The following TMEM178B variants were observed in gnomAD, a reference collection of about 807,000 sequenced individuals.
The protein encoded by TMEM178B is transmembrane protein 178B.
In TMEM178B, 5 loss-of-function variants were observed where a neutral mutation model predicts 31.0. The ratio of observed to expected loss-of-function variants is 0.16; its 90% confidence interval spans 0.08 to 0.34. The LOEUF is 0.34. TMEM178B is among the 10% of genes least tolerant of loss of function. The probability of loss-of-function intolerance (pLI) is 1.00; values close to 1 mark genes in which losing one functional copy is unlikely to be tolerated. For missense variants in TMEM178B, 275 were observed against 400.3 expected (o/e 0.69, Z 2.67); for synonymous variants, 164 against 164.0 (o/e 1.00, Z 0.00).
chr7:141,212,915 A>G (rs1797072545), intron 2 of TMEM178B, among the ~76,000 whole-genome samples: 1 of 152,224 alleles, frequency 6.6e-6, no homozygotes, highest in African/African-American at 2.4e-5. Context: ...AAATTAAAGA[A>G]AGAACCAACC....
At chr7:141,416,724 C>T (rs1047762309) in intron 2 of TMEM178B, among the ~76,000 whole-genome samples, 5 of 152,160 alleles carry the variant, frequency 3.3e-5, no homozygotes, top group African/African-American at 4.8e-5. Context: ...AAGCAGGCTT[C>T]GATAGCCTGC....
rs80201037 is a variant in TMEM178B, at chr7:141,329,826, A to T, written c.497-107782A>T. On this transcript the variant is annotated intron_variant, in intron 2 of 3. Transcript: ENST00000565468. ...AAAGGGACAGAAAATAAAATAGGAGATGTGATCCCAGCTCATAAAGAGCTA... is the reference window on the plus strand; with the variant it reads ...AAAGGGACAGAAAATAAAATAGGAGTTGTGATCCCAGCTCATAAAGAGCTA... 5.4e-3 allele frequency among the ~76,000 whole-genome samples: 830 copies of T among 152,310 alleles called. 7 individuals carry two copies. Among genetic ancestry groups the T allele is most frequent in the African/African-American group, 0.019 (797 of 41,566 alleles).
intron 1 of TMEM178B, among the ~76,000 whole-genome samples, chr7:141,099,862 C>T (rs1795024007): frequency 7.0e-6 from 1 of 143,052 alleles, no homozygotes; most frequent in Non-Finnish European, 1.5e-5. Flanking sequence ...CAGAGTCTGG[C>T]TTTGTCGTCC....
chr7:141,203,398 G>A (rs1176948249), intron 1 of TMEM178B, among the ~76,000 whole-genome samples: 1 of 152,194 alleles, frequency 6.6e-6, no homozygotes, highest in Non-Finnish European at 1.5e-5. Flanking sequence ...AGGCCAGCAT[G>A]TGCCACTTGG....
intron 2 of TMEM178B, among the ~76,000 whole-genome samples, chr7:141,417,318 T>A (rs1416608498): frequency 6.6e-6 from 1 of 152,228 alleles, no homozygotes; most frequent in African/African-American, 2.4e-5. Flanking sequence ...ATTGGATGAC[T>A]GCCTAAGATG....
At position 141,360,859 on chromosome 7, in the gene TMEM178B, G is replaced by A. The variant is rs371655018; in HGVS notation, c.497-76749G>A. 1.2e-4 allele frequency among the ~76,000 whole-genome samples: 19 copies of A among 152,154 alleles called. No individual in the cohort carries two copies. In the South Asian group the frequency reaches 3.3e-3, roughly 27 times the overall value. ...ATAAGTAAGAATCAAACATTTTAGAGGACATTTTTAGGAACAAAATACCAT... is the reference window on the plus strand; with the variant it reads ...ATAAGTAAGAATCAAACATTTTAGAAGACATTTTTAGGAACAAAATACCAT... On this transcript the variant is annotated intron_variant, in intron 2 of 3. Transcript: ENST00000565468.
chr7:141,223,984 C>T (rs771964625), intron 2 of TMEM178B, among the ~76,000 whole-genome samples: 11 of 152,144 alleles, frequency 7.2e-5, no homozygotes, highest in Non-Finnish European at 1.3e-4. Context: ...TAATTCTCAC[C>T]TGTTGTGGGA....
intron 3 of TMEM178B, among the ~76,000 whole-genome samples, chr7:141,469,185 G>C (rs1267823370): frequency 2.0e-5 from 3 of 152,326 alleles, no homozygotes; most frequent in East Asian, 1.9e-4. Flanking sequence ...TTTGCTCAAA[G>C]AAATGATTTG....
chr7:141,307,588 G>A (rs374777457), intron 2 of TMEM178B, among the ~76,000 whole-genome samples: 12 of 152,226 alleles, frequency 7.9e-5, no homozygotes, highest in African/African-American at 2.9e-4. Context: ...GAGGGGTCAC[G>A]GGACCTCTGA....
chr7:141,125,302 TA>T (rs1028739549), intron 1 of TMEM178B, among the ~76,000 whole-genome samples: 8 of 152,160 alleles, frequency 5.3e-5, no homozygotes, highest in African/African-American at 1.9e-4. Flanking sequence ...AAGCCTGTTA[TA>T]AAATCTGGCC....
At chr7:141,442,276 A>G (rs932760653) in intron 3 of TMEM178B, among the ~76,000 whole-genome samples, 5 of 152,108 alleles carry the variant, frequency 3.3e-5, no homozygotes, top group Non-Finnish European at 7.4e-5. Context: ...TCCCCGAATC[A>G]GGTCTAAGGC....
In TMEM178B at chr7:141,106,193, A is replaced by G. The variant is rs368996515; in HGVS notation, c.382+31501A>G. On this transcript the variant is annotated intron_variant, in intron 1 of 3. Transcript: ENST00000565468. ...ACTTGCATTTGACTTTGCATTCTTC[A>G]TAGTTGTTTTTTGACAGTTCCAAAG... Among the ~76,000 whole-genome samples, 6 of 152,130 alleles carry G rather than the reference A, an allele frequency of 3.9e-5. No homozygotes were observed. The South Asian group carries it at 1.0e-3, about 26-fold the overall frequency.
At chr7:141,084,550 T>A (rs1305168165) in intron 1 of TMEM178B, among the ~76,000 whole-genome samples, 2 of 152,200 alleles carry the variant, frequency 1.3e-5, no homozygotes, top group African/African-American at 4.8e-5. Context: ...CTGGGCCCCA[T>A]CTGGGAGCCG....
chr7:141,092,926 C>T (rs1794902996), intron 1 of TMEM178B, among the ~76,000 whole-genome samples: 1 of 152,078 alleles, frequency 6.6e-6, no homozygotes, highest in Non-Finnish European at 1.5e-5. Flanking sequence ...ATAACAAGGG[C>T]AGTGACTTTG....
chr7:141,434,778 G>A (rs921214426), intron 2 of TMEM178B, among the ~76,000 whole-genome samples: 21 of 152,040 alleles, frequency 1.4e-4, no homozygotes, highest in African/African-American at 4.3e-4. Context: ...ATCCACACCC[G>A]TCCCAGCCTC....
intron 1 of TMEM178B, among the ~76,000 whole-genome samples, chr7:141,209,480 ACTGCAGTCTT>A (rs1232124811): frequency 6.6e-6 from 1 of 152,208 alleles, no homozygotes; most frequent in African/African-American, 2.4e-5. Flanking sequence ...TTCTTTGCCC[ACTGCAGTCTT>A]ACAAAGAACA....
At chr7:141,492,286 A>C in the TMEM178B span, among the ~76,000 whole-genome samples, 1 of 152,142 alleles carries the variant, frequency 6.6e-6, no homozygotes, top group African/African-American at 2.4e-5. Flanking sequence ...ACACTTCTTC[A>C]AAGGCCTTCC....
intron 2 of TMEM178B, among the ~76,000 whole-genome samples, chr7:141,342,660 A>G (rs1227764158): frequency 6.6e-6 from 1 of 152,216 alleles, no homozygotes; most frequent in Non-Finnish European, 1.5e-5. Flanking sequence ...CCTTGAACAG[A>G]GAGAAGAGCA....
chr7:141,352,623 ACCCGCCTCGGC>A (rs1799753332), intron 2 of TMEM178B: 1 of 151,988 alleles, frequency 6.6e-6, no homozygotes, highest in African/African-American at 2.4e-5. Context: ...CTCATGATCC[ACCCGCCTCGGC>A]CTCCCAGAGT....
Sources: gnomAD v4.1 joint callset for allele counts (sites outside exome capture counted in the v4.1 genomes callset) on GRCh38, gnomAD v4.1.1 for gene constraint, MANE v1.5 for transcripts, NCBI Gene and HGNC (gene_info 2026-07-23, HGNC 2026-07-21) for gene names.